DYNC1I1: variants seen among roughly 807,000 people sequenced by gnomAD.
DYNC1I1 encodes the protein cytoplasmic dynein 1 intermediate chain 1.
Under a neutral mutation model 86.6 loss-of-function variants are expected in DYNC1I1, and 43 were observed. That is an observed-to-expected ratio of 0.50 (90% confidence interval 0.39 to 0.64). The LOEUF (loss-of-function observed/expected upper bound fraction) is 0.64, where lower values mean the gene tolerates loss of function less well. DYNC1I1 is among the 30% of genes least tolerant of loss of function. The pLI is 0.00. For missense variants in DYNC1I1, 604 were observed against 788.8 expected (o/e 0.77, Z 2.81); for synonymous variants, 262 against 283.7 (o/e 0.92, Z 0.77).
intron 5 of DYNC1I1, among the ~76,000 whole-genome samples, chr7:95,851,934 G>A (rs1464923665): frequency 1.3e-5 from 2 of 152,150 alleles, no homozygotes; most frequent in Non-Finnish European, 2.9e-5. Flanking sequence ...AAAGTGCTGG[G>A]ATTACAGGTG....
chr7:95,859,860 G>A (rs1156638375), intron 5 of DYNC1I1, among the ~76,000 whole-genome samples: 4 of 152,200 alleles, frequency 2.6e-5, no homozygotes, highest in African/African-American at 9.6e-5. Flanking sequence ...ACTTTAATGA[G>A]CCTGGTGTTA....
chr7:95,874,878 G>A (rs1049052241), intron 6 of DYNC1I1, among the ~76,000 whole-genome samples: 1 of 152,252 alleles, frequency 6.6e-6, no homozygotes, highest in African/African-American at 2.4e-5. Flanking sequence ...AGCCTGAGCA[G>A]ACTAAGACAG....
At chr7:95,832,524 G>T (rs1440276477) in intron 5 of DYNC1I1, among the ~76,000 whole-genome samples, 1 of 151,996 alleles carries the variant, frequency 6.6e-6, no homozygotes, top group Non-Finnish European at 1.5e-5. Context: ...TCTAGTTCTA[G>T]ATCCCTGAGG....
At chr7:95,980,584 G>T (rs894024672) in intron 7 of DYNC1I1, among the ~76,000 whole-genome samples, 1 of 143,774 alleles carries the variant, frequency 7.0e-6, no homozygotes, top group Non-Finnish European at 1.5e-5. Flanking sequence ...GAAGAAAAAG[G>T]TGGTGAGGGG....
Position 95,777,879 on chromosome 7 carries a change from T to A in DYNC1I1, c.-10+5106T>A, listed in dbSNP as rs1195641896. Among the ~76,000 whole-genome samples, 4 of 152,206 alleles carry A rather than the reference T, an allele frequency of 2.6e-5. No individual in the cohort carries two copies. In the East Asian group the frequency reaches 5.8e-4, roughly 22 times the overall value. On this transcript the variant is annotated intron_variant, in intron 1 of 16. Transcript: ENST00000447467. ...CTTTTATAATCCCTCAAGAATTTTT[T>A]AAAAATTCTGCAGCTCCATCACCTC... is the stretch of plus-strand genomic sequence containing the variant.
rs200496803 is a variant in DYNC1I1 at position 96,030,330 on chromosome 7, TTGTG to T, written c.1116+2053_1116+2056del. 9.1e-3 allele frequency among the ~76,000 whole-genome samples: 1,227 copies of T among 135,444 alleles called. 11 individuals carry two copies. The highest frequency in any genetic ancestry group is 0.021 in the East Asian group (101 of 4,746). 88.9% of individuals were successfully genotyped at this position (135,444 alleles called of 152,430 possible). ...GCTTTCTTCTTCCTTAATGGTAGAG[TTGTG>T]TGTGTGTGTGTGTGTGTGTGTGTGT... On this transcript the variant is annotated intron_variant, in intron 11 of 16. Coordinates refer to ENST00000447467, the MANE Select transcript of DYNC1I1 (RefSeq NM_001135556.2).
rs147484256 is a variant in DYNC1I1 at position 96,075,597 on chromosome 7, G to C, written c.1510-460G>C. Among the ~76,000 whole-genome samples, 662 of 152,348 alleles carry C rather than the reference G, an allele frequency of 4.3e-3. 2 individuals are homozygous for C. Among genetic ancestry groups the C allele is most frequent in the Non-Finnish European group, 7.3e-3 (497 of 68,022 alleles). The stretch of plus-strand genomic sequence containing the variant: ...GGTAGCAGCAGCTGTTGCAGCTACA[G>C]ACGAGGACCACGAGGTGGCAGGGGT... On this transcript the variant is annotated intron_variant, in intron 14 of 16. Coordinates refer to ENST00000447467, the MANE Select transcript of DYNC1I1 (RefSeq NM_001135556.2).
intron 1 of DYNC1I1, among the ~76,000 whole-genome samples, chr7:95,776,322 A>G (rs1793839181): frequency 6.6e-6 from 1 of 152,170 alleles, no homozygotes; most frequent in Non-Finnish European, 1.5e-5. Flanking sequence ...TAACATAGAT[A>G]CCTCTGCCTA....
intron 6 of DYNC1I1, among the ~76,000 whole-genome samples, chr7:95,912,203 A>G (rs1791354624): frequency 6.6e-6 from 1 of 151,974 alleles, no homozygotes; most frequent in Non-Finnish European, 1.5e-5. Context: ...CACCCGGCTA[A>G]TTTTTGTATT....
At chr7:96,057,369 G>A (rs1471913976) in intron 14 of DYNC1I1, among the ~76,000 whole-genome samples, 2 of 152,104 alleles carry the variant, frequency 1.3e-5, no homozygotes, top group African/African-American at 2.4e-5. Flanking sequence ...TGTCTAGAAA[G>A]GAGTGATTTA....
chr7:95,818,698 A>G (rs1404731676), intron 4 of DYNC1I1: 27 of 435,306 alleles, frequency 6.2e-5, no homozygotes, highest in Admixed American at 1.9e-4. Context: ...ATACAACTAG[A>G]AAATATAAAT....
chr7:96,079,334 A>G (rs534622945), intron 15 of DYNC1I1, among the ~76,000 whole-genome samples: 1 of 151,884 alleles, frequency 6.6e-6, no homozygotes, highest in Non-Finnish European at 1.5e-5. Context: ...TTTTCACTGT[A>G]TTTTTTCTTT....
intron 6 of DYNC1I1, among the ~76,000 whole-genome samples, chr7:95,908,858 G>A (rs1381408108): frequency 6.6e-6 from 1 of 152,058 alleles, no homozygotes; most frequent in Non-Finnish European, 1.5e-5. Flanking sequence ...AATGTACCTT[G>A]TTAAATGTGA....
chr7:96,049,764 G>A (rs1050626094), intron 14 of DYNC1I1, among the ~76,000 whole-genome samples: 1 of 152,062 alleles, frequency 6.6e-6, no homozygotes, highest in Non-Finnish European at 1.5e-5. Context: ...GGGCACAGTG[G>A]CTCACACCTG....
chr7:95,882,409 T>C (rs1251562247), intron 6 of DYNC1I1, among the ~76,000 whole-genome samples: 1 of 152,200 alleles, frequency 6.6e-6, no homozygotes, highest in Non-Finnish European at 1.5e-5. Context: ...GACAAAGAGA[T>C]GCACCATATT....
intron 14 of DYNC1I1, among the ~76,000 whole-genome samples, chr7:96,057,087 T>A (rs1036080164): frequency 6.6e-6 from 1 of 152,220 alleles, no homozygotes; most frequent in African/African-American, 2.4e-5. Context: ...GTAAAGTTAC[T>A]GGAGAAGTGT....
intron 6 of DYNC1I1, among the ~76,000 whole-genome samples, chr7:95,950,797 A>AGGG (rs1161375629): frequency 6.6e-6 from 1 of 152,222 alleles, no homozygotes; most frequent in Non-Finnish European, 1.5e-5. Context: ...AAGCACCAAC[A>AGGG]AAAGCATATT....
chr7:95,985,425 A>G (rs1793565467), intron 8 of DYNC1I1, among the ~76,000 whole-genome samples: 1 of 152,144 alleles, frequency 6.6e-6, no homozygotes, highest in African/African-American at 2.4e-5. Context: ...TTTTTTTGGT[A>G]TCATGAAAGT....
At chr7:95,969,843 G>A (rs1019139916) in intron 6 of DYNC1I1, among the ~76,000 whole-genome samples, 4 of 152,124 alleles carry the variant, frequency 2.6e-5, no homozygotes, top group African/African-American at 4.8e-5. Context: ...TGCTCTGTAC[G>A]ATGAGAAATG....
Sources: gnomAD v4.1 joint callset for allele counts (sites outside exome capture counted in the v4.1 genomes callset) on GRCh38, gnomAD v4.1.1 for gene constraint, MANE v1.5 for transcripts, NCBI Gene and HGNC (gene_info 2026-07-23, HGNC 2026-07-21) for gene names.